The following HMGA2 variants were observed in gnomAD, a reference collection of about 807,000 sequenced individuals.
HMGA2 encodes the protein high mobility group protein HMGI-C.
Under a neutral mutation model 19.1 loss-of-function variants are expected in HMGA2, and 8 were observed. The ratio of observed to expected loss-of-function variants is 0.42; its 90% CI spans 0.25 to 0.76. The LOEUF (loss-of-function observed/expected upper bound fraction) is 0.76, where lower values mean the gene tolerates loss of function less well. Among genes scored for constraint, HMGA2 ranks in the 30% least tolerant of loss-of-function variants. The pLI, the probability that HMGA2 is intolerant of heterozygous loss-of-function variation, is 0.28. For synonymous variants in HMGA2, 60 were observed against 48.8 expected (o/e 1.23, Z -0.96); for missense variants, 109 against 136.3 (o/e 0.80, Z 1.00).
At chr12:65,898,072 A>G (rs1456417568) in intron 3 of HMGA2, among the ~76,000 whole-genome samples, 1 of 152,010 alleles carries the variant, frequency 6.6e-6, no homozygotes, top group Admixed American at 6.6e-5. Context: ...TTTTGCCTTG[A>G]CTTCCTGGCT....
At chr12:65,899,043 CAAAAAAAAAAA>C (rs751128412) in intron 3 of HMGA2, among the ~76,000 whole-genome samples, 14 of 25,326 alleles carry the variant, frequency 5.5e-4, no homozygotes, top group South Asian at 1.4e-3. Flanking sequence ...GACTCCGTCT[CAAAAAAAAAAA>C]AAAAAAAAAA....
At chr12:65,885,460 A>G (rs1052609206) in intron 3 of HMGA2, among the ~76,000 whole-genome samples, 1 of 152,188 alleles carries the variant, frequency 6.6e-6, no homozygotes, top group Non-Finnish European at 1.5e-5. Flanking sequence ...TAGATTAAAA[A>G]CAAAATGTTT....
chr12:65,958,253 T>A (rs535253061), intron 4 of HMGA2: 1 of 152,322 alleles, frequency 6.6e-6, no homozygotes, highest in Non-Finnish European at 1.5e-5. Context: ...TGTTTTTATA[T>A]ACATAATGCA....
In HMGA2 at chr12:65,966,082, T is replaced by A. The variant is rs1876901387; in HGVS notation, c.*2790T>A. ...TTGACTTTCTCCCTGTTCCTTTGAG[T>A]GTCTTCTAACTTTATTCTTTGTTCT... On this transcript the variant is annotated 3_prime_UTR_variant, in exon 5 of 5. Coordinates refer to ENST00000403681, the MANE Select transcript of HMGA2 (RefSeq NM_003483.6). 1 of 217,038 alleles carries A rather than the reference T, an allele frequency of 4.6e-6. No homozygotes were observed. The highest frequency in any genetic ancestry group is 9.3e-6 in the Non-Finnish European group (1 of 107,464). 13.4% of individuals were successfully genotyped at this position (217,038 alleles called of 1,614,324 possible). A position where few individuals can be genotyped will look rare whatever the true frequency, so the allele number is the denominator to read the frequency against.
intron 3 of HMGA2, chr12:65,842,067 T>C (rs536425015): frequency 7.9e-7 from 1 of 1,268,190 alleles, no homozygotes; most frequent in South Asian, 1.3e-5. Context: ...GATTTTCATG[T>C]GTGTGCGTGT....
intron 3 of HMGA2, among the ~76,000 whole-genome samples, chr12:65,926,712 T>C (rs1657911429): frequency 6.6e-6 from 1 of 152,216 alleles, no homozygotes; most frequent in African/African-American, 2.4e-5. Context: ...TACAGTCTCA[T>C]TAACCATGAA....
intron 3 of HMGA2, chr12:65,881,652 AAG>A (rs138318159): frequency 0.023 from 10,064 of 446,776 alleles, no homozygotes; most frequent in South Asian, 0.031. Context: ...GGGAGGGAGA[AAG>A]AGAGAGAGAG....
At chr12:65,860,713 A>G (rs1872014065) in intron 3 of HMGA2, among the ~76,000 whole-genome samples, 1 of 152,180 alleles carries the variant, frequency 6.6e-6, no homozygotes, top group Non-Finnish European at 1.5e-5. Flanking sequence ...TGTTTTTTCA[A>G]AAAAGTATGT....
intron 3 of HMGA2, among the ~76,000 whole-genome samples, chr12:65,941,195 C>T (rs753660304): frequency 1.8e-4 from 27 of 152,048 alleles, no homozygotes; most frequent in Non-Finnish European, 3.5e-4. Context: ...GGAGTAGATT[C>T]GGAAGACAAG....
intron 3 of HMGA2, among the ~76,000 whole-genome samples, chr12:65,891,940 C>A (rs950500515): frequency 1.3e-5 from 2 of 152,222 alleles, no homozygotes; most frequent in African/African-American, 2.4e-5. Context: ...CCTCTCTTGG[C>A]AGCCTGTTTG....
intron 3 of HMGA2, among the ~76,000 whole-genome samples, chr12:65,937,292 A>G (rs1474118002): frequency 6.6e-6 from 1 of 152,156 alleles, no homozygotes; most frequent in East Asian, 1.9e-4. Flanking sequence ...TTCAATAGAC[A>G]ACTTGTTCCT....
chr12:65,897,406 A>G (rs112598893), intron 3 of HMGA2, among the ~76,000 whole-genome samples: 86 of 152,318 alleles, frequency 5.6e-4, no homozygotes, highest in African/African-American at 1.7e-3. Flanking sequence ...TTAAGGAAAA[A>G]GTTTCTTATT....
chr12:65,944,549 G>A (rs1021118581), intron 3 of HMGA2, among the ~76,000 whole-genome samples: 1 of 152,154 alleles, frequency 6.6e-6, no homozygotes, highest in Non-Finnish European at 1.5e-5. Flanking sequence ...GGAGAGGAGT[G>A]AGCAGAAAAA....
intron 3 of HMGA2, chr12:65,866,980 T>C (rs1401014518): frequency 4.4e-6 from 2 of 456,288 alleles, no homozygotes; most frequent in East Asian, 1.4e-4. Flanking sequence ...ATTGAGAGAT[T>C]GAAGGGGGAG....
At chr12:65,941,444 T>G (rs1876089479) in intron 3 of HMGA2, among the ~76,000 whole-genome samples, 1 of 152,204 alleles carries the variant, frequency 6.6e-6, no homozygotes. Context: ...TAGTTAATGT[T>G]TCTCGGAGTG....
intron 3 of HMGA2, chr12:65,915,220 T>C: frequency 6.3e-7 from 1 of 1,596,356 alleles, no homozygotes; most frequent in Non-Finnish European, 8.5e-7. Flanking sequence ...TGTGTGGCTT[T>C]CTCCGATATA....
At chr12:65,940,665 T>C (rs1338074720) in intron 3 of HMGA2, among the ~76,000 whole-genome samples, 1 of 152,186 alleles carries the variant, frequency 6.6e-6, no homozygotes, top group Non-Finnish European at 1.5e-5. Context: ...CCCAAAATAC[T>C]TTTCTGGGGC....
At chr12:65,907,481 C>G (rs1874648281) in intron 3 of HMGA2, among the ~76,000 whole-genome samples, 1 of 151,090 alleles carries the variant, frequency 6.6e-6, no homozygotes, top group African/African-American at 2.4e-5. Context: ...TTCTGGGCCT[C>G]TCAGCGTTTG....
At position 65,952,439 on chromosome 12, in the gene HMGA2, T is replaced by C. The variant is rs1876490134; in HGVS notation, c.282+1024T>C. ...CTAAAAATGCCACTTAGAAGAGAAT[T>C]GAAACTTCCAAACACATGAAAGGAT... On this transcript the variant is annotated intron_variant, in intron 4 of 4. Coordinates refer to ENST00000403681, the MANE Select transcript of HMGA2 (RefSeq NM_003483.6). 3 of 1,534,064 alleles carry C rather than the reference T, an allele frequency of 2.0e-6. No homozygotes were observed. In the South Asian group the frequency reaches 3.6e-5, roughly 18 times the overall value.
Sources: gnomAD v4.1 joint callset for allele counts (sites outside exome capture counted in the v4.1 genomes callset) on GRCh38, gnomAD v4.1.1 for gene constraint, MANE v1.5 for transcripts, NCBI Gene and HGNC (gene_info 2026-07-23, HGNC 2026-07-21) for gene names.